The following KDM2B variants were observed in gnomAD, a reference collection of about 807,000 sequenced individuals.
KDM2B encodes the protein lysine-specific demethylase 2B.
Under a neutral mutation model 150.0 loss-of-function variants are expected in KDM2B, and 26 were observed. The observed-to-expected ratio is 0.17, with a 90% confidence interval of 0.13 to 0.24. The LOEUF (loss-of-function observed/expected upper bound fraction) is 0.24. KDM2B is among the 10% of genes least tolerant of loss of function. KDM2B has a pLI of 1.00. For synonymous variants in KDM2B, 734 were observed against 729.5 expected (o/e 1.01, Z -0.10); for missense variants, 1,265 against 1,816.9 (o/e 0.70, Z 5.52).
In KDM2B at chr12:121,442,082, C is replaced by A; in HGVS notation, c.3284+75G>T. On this transcript the variant is annotated intron_variant, in intron 19 of 22. Transcript: ENST00000377071. The surrounding 1 kb of genome is among the most constrained non-coding windows in gnomAD (Gnocchi z 7.7). ...GTTTGGAAGGAAAGAGCATCGCCAG[C>A]GACTCCACACACCACGGGCCATCCC... 1 of 1,233,882 alleles carries A rather than the reference C, an allele frequency of 8.1e-7. No homozygotes were observed. Among genetic ancestry groups the A allele is most frequent in the Admixed American group, 1.9e-5 (1 of 53,572 alleles). 76.4% of individuals were successfully genotyped at this position (1,233,882 alleles called of 1,614,324 possible). A position where few individuals can be genotyped will look rare whatever the true frequency, so the allele number is the denominator to read the frequency against.
At chr12:121,446,754 T>C (rs754030642) in intron 13 of KDM2B, among the ~76,000 whole-genome samples, 2 of 152,208 alleles carry the variant, frequency 1.3e-5, no homozygotes, top group Non-Finnish European at 2.9e-5. Context: ...GAATGAAAAT[T>C]AGACTTTTGG....
chr12:121,527,278 A>G (rs1397312337), intron 8 of KDM2B, among the ~76,000 whole-genome samples: 14 of 139,106 alleles, frequency 1.0e-4, no homozygotes, highest in Middle Eastern at 7.5e-3. Flanking sequence ...GGATGGTCTC[A>G]ATCTCCTGAT....
intron 10 of KDM2B, among the ~76,000 whole-genome samples, chr12:121,510,472 A>G (rs1885488918): frequency 1.3e-5 from 2 of 151,872 alleles, no homozygotes; most frequent in African/African-American, 4.8e-5. Context: ...CCAGGCTGGT[A>G]TCTGGCACTT....
At chr12:121,564,642 G>A (rs778313971) in intron 4 of KDM2B, among the ~76,000 whole-genome samples, 37 of 151,766 alleles carry the variant, frequency 2.4e-4, no homozygotes, top group Admixed American at 2.0e-3. Context: ...ACAAATCAAC[G>A]GAACAATATG....
In KDM2B at chr12:121,435,037, GA is replaced by G. The variant is rs113742352; in HGVS notation, c.3830-4569del. On this transcript the variant is annotated intron_variant, in intron 22 of 22. Transcript: ENST00000377071. ...ACACCAAAATCACAGCCAACAAAGG[GA>G]AAAAAAAAAAAAAGGCCAGGTGCAG... 2.4e-3 allele frequency among the ~76,000 whole-genome samples: 338 copies of G among 139,292 alleles called. 1 individual carries two copies. Among genetic ancestry groups the G allele is most frequent in the African/African-American group, 6.7e-3 (253 of 37,930 alleles). 91.4% of individuals were successfully genotyped at this position (139,292 alleles called of 152,430 possible). A position where few individuals can be genotyped will look rare whatever the true frequency, so the allele number is the denominator to read the frequency against.
intron 22 of KDM2B, among the ~76,000 whole-genome samples, chr12:121,436,178 C>T (rs1555286685): frequency 6.6e-6 from 1 of 152,162 alleles, no homozygotes; most frequent in African/African-American, 2.4e-5. Flanking sequence ...CTTATAAAAA[C>T]AGCAGTTTCA....
At position 121,441,150 on chromosome 12, in the gene KDM2B, C is replaced by T. The variant is rs781826750; in HGVS notation, c.3368G>A (p.Arg1123Gln). ...GAGGTCGAGGGAGACGGGCTGTCGC[C>T]GGATGATGCCACTCAGCATCAGGGG... ...ITPLMLSGII[R>Q]RQPVSLDLSW... The change falls in exon 20 of 23, where the codon CGG becomes CAG. Residue 1123 changes from arginine to glutamine, a missense_variant. Arg to Gln is a conservative substitution (Grantham distance 43). Around this residue, in one of 11 missense-constraint regions of KDM2B, gnomAD observed 251 missense variants for 397.8 expected, o/e 0.63. Transcript: ENST00000377071. The T allele has an allele frequency of 6.2e-7, 1 of 1,614,192 alleles. No homozygotes were observed. The highest frequency in any genetic ancestry group is 1.1e-5 in the South Asian group (1 of 91,090).
intron 12 of KDM2B, among the ~76,000 whole-genome samples, chr12:121,462,269 AAC>A (rs143996195): frequency 0.02 from 3,013 of 152,224 alleles, 98 homozygotes; most frequent in African/African-American, 0.068. Context: ...CAGGCCCCTT[AAC>A]ACACGCCTGT....
intron 1 of KDM2B, 48 bp from the exon 2 acceptor site, chr12:121,578,994 G>C: frequency 6.3e-7 from 1 of 1,582,386 alleles, no homozygotes; most frequent in Non-Finnish European, 8.6e-7. Flanking sequence ...GTGGGGGCTG[G>C]AGGTCGCCTC....
At chr12:121,544,094 AAC>A (rs1888822586) in intron 6 of KDM2B, among the ~76,000 whole-genome samples, 7 of 148,322 alleles carry the variant, frequency 4.7e-5, no homozygotes, top group Admixed American at 4.0e-4. Context: ...CAGCCTGGGC[AAC>A]AGAGAGAGAC....
At chr12:121,508,871 A>C (rs1885323852) in intron 11 of KDM2B, among the ~76,000 whole-genome samples, 1 of 152,174 alleles carries the variant, frequency 6.6e-6, no homozygotes, top group Non-Finnish European at 1.5e-5. Context: ...TGTGAAACTG[A>C]TTCGTGCTCC....
intron 13 of KDM2B, among the ~76,000 whole-genome samples, chr12:121,448,320 A>AC (rs1876648226): frequency 2.1e-5 from 1 of 47,788 alleles, no homozygotes; most frequent in African/African-American, 2.0e-4. Context: ...ACTCTGTCTC[A>AC]AAAAAAAAAA....
chr12:121,579,930 A>C, intron 1 of KDM2B: 1 of 1,511,802 alleles, frequency 6.6e-7, no homozygotes. Context: ...AAGAAAAGGC[A>C]GCGAGAAACA....
At chr12:121,456,944 T>C (rs1199864078) in intron 12 of KDM2B, among the ~76,000 whole-genome samples, 2 of 152,198 alleles carry the variant, frequency 1.3e-5, no homozygotes, top group Non-Finnish European at 2.9e-5. Context: ...AGGTTTCTGC[T>C]GCCGGCAGTG....
intron 6 of KDM2B, among the ~76,000 whole-genome samples, chr12:121,542,201 G>A (rs1888659040): frequency 6.6e-6 from 1 of 152,216 alleles, no homozygotes; most frequent in Admixed American, 6.5e-5. Flanking sequence ...GACCTATGGA[G>A]AGCTATATGT....
Position 121,453,059 on chromosome 12 carries a change from C to CA in KDM2B, c.1959+60dup, listed in dbSNP as rs1877584345. 1 of 1,401,582 alleles carries CA rather than the reference C, an allele frequency of 7.1e-7. No individual in the cohort carries two copies. Among genetic ancestry groups the CA allele is most frequent in the Non-Finnish European group, 9.6e-7 (1 of 1,041,154 alleles). The allele number at this position is 1,401,582 out of a possible 1,614,324, so 86.8% of individuals were successfully genotyped here. The stretch of plus-strand genomic sequence containing the variant: ...GCGGCCAGAGCGAGCAGCGGTCAGA[C>CA]ACGCGGGCCGGCACGCAGGGGCCTG... On this transcript the variant is annotated intron_variant, in intron 13 of 22. Transcript: ENST00000377071. This position sits in a 1 kb window ranked among gnomAD's most constrained non-coding sequence, Gnocchi z 6.4.
chr12:121,556,158 A>G (rs1367958234), intron 4 of KDM2B, among the ~76,000 whole-genome samples: 2 of 151,756 alleles, frequency 1.3e-5, no homozygotes, highest in Non-Finnish European at 2.9e-5. Context: ...AACTCCTGAC[A>G]TTGTGATCTG....
the KDM2B span, among the ~76,000 whole-genome samples, chr12:121,412,625 C>T: frequency 2.0e-5 from 3 of 151,994 alleles, no homozygotes; most frequent in Non-Finnish European, 1.5e-5. Context: ...GTGATCCACC[C>T]GCCTTGGCCT....
intron 1 of KDM2B, 175 bp from the exon 2 acceptor site, chr12:121,579,121 G>A: frequency 1.4e-6 from 1 of 695,882 alleles, no homozygotes; most frequent in South Asian, 1.9e-5. Context: ...ACAAGGAGAG[G>A]GGCCCGCACC....
Sources: allele counts gnomAD v4.1 joint callset (sites outside exome capture counted in the v4.1 genomes callset), GRCh38; gene constraint gnomAD v4.1.1; regional missense constraint gnomAD v4.1.1; non-coding constraint Gnocchi (gnomAD v3.1); transcripts MANE v1.5; gene names NCBI Gene and HGNC (gene_info 2026-07-23, HGNC 2026-07-21).